Variants in KIF16B observed in about 807,000 individuals in gnomAD.
KIF16B encodes the protein kinesin-like protein KIF16B.
KIF16B carries 98 observed loss-of-function variants against 156.3 expected under a neutral mutation model. That is an observed-to-expected ratio of 0.63 (90% CI 0.53 to 0.74). The LOEUF is 0.74. KIF16B is among the 30% of genes least tolerant of loss of function. The pLI is 0.00. For synonymous variants in KIF16B, 564 were observed against 583.7 expected, an observed-to-expected ratio of 0.97 and a Z score of 0.49; for missense variants, 1,421 against 1,606.5, an observed-to-expected ratio of 0.88 and a Z score of 1.97.
intron 12 of KIF16B, among the ~76,000 whole-genome samples, chr20:16,465,458 G>T (rs113843687): frequency 4.9e-4 from 75 of 152,298 alleles, no homozygotes; most frequent in African/African-American, 1.7e-3. Flanking sequence ...CATGTGCAGC[G>T]ATTTCAATGG....
intron 25 of KIF16B, among the ~76,000 whole-genome samples, chr20:16,293,460 T>C (rs2063340682): frequency 6.6e-6 from 1 of 152,160 alleles, no homozygotes; most frequent in Admixed American, 6.5e-5. Context: ...ATCTAGCCAG[T>C]GAGTGGGTAC....
In KIF16B at chr20:16,370,508, T is replaced by C. The variant is rs2064790270; in HGVS notation, c.3498+78A>G. 8 of 1,195,664 alleles carry C rather than the reference T, an allele frequency of 6.7e-6. No homozygotes were observed. The South Asian group carries it at 1.2e-4, about 18-fold the overall frequency. 74.1% of individuals were successfully genotyped at this position (1,195,664 alleles called of 1,614,324 possible). ...GACCTCAAAATTCTAATTATGCAACTAGACATTAAGAAAATGTAATCACAT... is the reference window on the plus strand; with the variant it reads ...GACCTCAAAATTCTAATTATGCAACCAGACATTAAGAAAATGTAATCACAT... On this transcript the variant is annotated intron_variant, in intron 22 of 25. Coordinates refer to ENST00000354981, the MANE Select transcript of KIF16B (RefSeq NM_024704.5).
At chr20:16,572,358 G>A (rs1405575138) in intron 1 of KIF16B, among the ~76,000 whole-genome samples, 1 of 152,176 alleles carries the variant, frequency 6.6e-6, no homozygotes, top group Non-Finnish European at 1.5e-5. Context: ...AGGCCCTATG[G>A]TAAGTCAAAT....
rs1568948624 is a variant in KIF16B, at chr20:16,410,100, T to TATATGTAGGTACATATAC, written c.1613-3645_1613-3644insGTATATGTACCTACATAT. On this transcript the variant is annotated intron_variant, in intron 15 of 25. Coordinates refer to ENST00000354981, the MANE Select transcript of KIF16B (RefSeq NM_024704.5). ...ATATATATATATGTAGGTACATATATATATATGTAGGTACATATATATATG... is the reference window on the plus strand; with the variant it reads ...ATATATATATATGTAGGTACATATATATATGTAGGTACATATACATATATGTAGGTACATATATATATG... Among the ~76,000 whole-genome samples the TATATGTAGGTACATATAC allele has an allele frequency of 1.7e-4, 17 of 102,486 alleles. 2 individuals are homozygous for TATATGTAGGTACATATAC. The highest frequency in any genetic ancestry group is 5.5e-4 in the East Asian group (1 of 1,832). The allele number at this position is 102,486 out of a possible 152,430, so 67.2% of individuals were successfully genotyped here.
intron 1 of KIF16B, among the ~76,000 whole-genome samples, chr20:16,568,819 CAAAAAAAAAAAAAAAAAAAAAAAAA>C (rs57421025): frequency 1.8e-5 from 1 of 55,484 alleles, no homozygotes. Context: ...GACCCTGTCT[CAAAAAAAAAAAAAAAAAAAAAAAAA>C]AAAAAAAAGG....
chr20:16,327,219 G>A (rs929410033), intron 24 of KIF16B, among the ~76,000 whole-genome samples: 16 of 151,464 alleles, frequency 1.1e-4, no homozygotes, highest in Non-Finnish European at 2.4e-4. Context: ...ACCAAACATC[G>A]TATGTTCTCA....
chr20:16,327,021 GTA>G (rs1298436386), intron 24 of KIF16B, among the ~76,000 whole-genome samples: 3 of 142,396 alleles, frequency 2.1e-5, no homozygotes, highest in Non-Finnish European at 3.1e-5. Flanking sequence ...ATATGTGTGT[GTA>G]TATATATACA....
intron 10 of KIF16B, among the ~76,000 whole-genome samples, chr20:16,503,732 A>G (rs1025254427): frequency 6.6e-6 from 1 of 152,168 alleles, no homozygotes; most frequent in African/African-American, 2.4e-5. Flanking sequence ...ACTTCCACCA[A>G]TCATCACGGA....
chr20:16,451,753 G>A (rs920964870), intron 12 of KIF16B, among the ~76,000 whole-genome samples: 5 of 151,508 alleles, frequency 3.3e-5, no homozygotes, highest in African/African-American at 7.3e-5. Context: ...CCTGGTATTT[G>A]TAGAAATACT....
At chr20:16,458,438 A>T (rs1375481429) in intron 12 of KIF16B, among the ~76,000 whole-genome samples, 1 of 152,174 alleles carries the variant, frequency 6.6e-6, no homozygotes, top group African/African-American at 2.4e-5. Flanking sequence ...AAGTCCAAAC[A>T]GGAAGCTGTT....
intron 12 of KIF16B, among the ~76,000 whole-genome samples, chr20:16,483,597 G>C (rs2068037742): frequency 6.6e-6 from 1 of 152,138 alleles, no homozygotes; most frequent in African/African-American, 2.4e-5. Flanking sequence ...ACCATGTGCT[G>C]GACACTGCCC....
At chr20:16,301,745 G>A (rs1269640803) in intron 25 of KIF16B, among the ~76,000 whole-genome samples, 1 of 152,014 alleles carries the variant, frequency 6.6e-6, no homozygotes. Flanking sequence ...AACCTCCTGG[G>A]TTCAAGCAAC....
chr20:16,416,215 T>G (rs770746310), intron 15 of KIF16B, among the ~76,000 whole-genome samples: 6 of 152,228 alleles, frequency 3.9e-5, no homozygotes, highest in Admixed American at 2.0e-4. Flanking sequence ...TTAGTTTAAT[T>G]AGATCTCACT....
chr20:16,305,388 G>C (rs2063527067), intron 25 of KIF16B, among the ~76,000 whole-genome samples: 3 of 152,112 alleles, frequency 2.0e-5, no homozygotes, highest in Non-Finnish European at 2.9e-5. Context: ...GGCTAATATA[G>C]TGCTTTTTAT....
intron 10 of KIF16B, among the ~76,000 whole-genome samples, chr20:16,503,898 G>C (rs1395385152): frequency 6.6e-6 from 1 of 152,120 alleles, no homozygotes; most frequent in African/African-American, 2.4e-5. Flanking sequence ...CCAGATCACA[G>C]GTGTAATATA....
chr20:16,423,906 A>G (rs536195471), intron 15 of KIF16B, among the ~76,000 whole-genome samples: 1 of 152,156 alleles, frequency 6.6e-6, no homozygotes, highest in South Asian at 2.1e-4. Flanking sequence ...TGTCAGCACT[A>G]GAGCCTGTGA....
chr20:16,539,365 T>C (rs950842054), intron 1 of KIF16B, among the ~76,000 whole-genome samples: 1 of 152,184 alleles, frequency 6.6e-6, no homozygotes, highest in Non-Finnish European at 1.5e-5. Flanking sequence ...ATCAGGAAGT[T>C]ACTAGGAACT....
rs749858201 is a variant in KIF16B, at chr20:16,380,121, C to T, written c.1881G>A (p.Lys627=). 1.3e-5 allele frequency: 20 copies of T among 1,517,506 alleles called. No individual in the cohort carries two copies. Among genetic ancestry groups the T allele is most frequent in the Middle Eastern group, 3.6e-4 (2 of 5,626 alleles). The allele number at this position is 1,517,506 out of a possible 1,614,324, so 94.0% of individuals were successfully genotyped here. The change falls in exon 19 of 26, where the codon AAG becomes AAA. Residue 627 remains lysine (K), a synonymous_variant. Transcript: ENST00000354981. ...CCTGCTGCATCCGCTCCAGTTCAGC[C>T]TTGTCTGATTTCTGCTTTTCCTCCA... is the stretch of plus-strand genomic sequence containing the variant. ...EEMEEKQKSD[K]AELERMQQEV...
At chr20:16,561,804 G>C (rs2071073890) in intron 1 of KIF16B, among the ~76,000 whole-genome samples, 2 of 152,194 alleles carry the variant, frequency 1.3e-5, no homozygotes, top group African/African-American at 4.8e-5. Context: ...TAAAACATCA[G>C]AGAAAGCCAC....
Sources: gnomAD v4.1 joint callset for allele counts (sites outside exome capture counted in the v4.1 genomes callset) on GRCh38, gnomAD v4.1.1 for gene constraint, MANE v1.5 for transcripts, NCBI Gene and HGNC (gene_info 2026-07-23, HGNC 2026-07-21) for gene names.